Variants in TRAPPC9 observed in about 807,000 individuals in gnomAD.
TRAPPC9 encodes the protein IKK2 binding protein.
TRAPPC9 carries 83 observed loss-of-function variants against 124.0 expected under a neutral mutation model. That is an observed-to-expected ratio of 0.67 (90% CI 0.56 to 0.80). TRAPPC9 has a LOEUF of 0.80. TRAPPC9 is among the 30% of genes least tolerant of loss of function. The pLI is 0.00. For missense variants in TRAPPC9, 1,302 were observed against 1,508.3 expected (o/e 0.86, Z 2.27); for synonymous variants, 638 against 617.5 (o/e 1.03, Z -0.49).
chr8:140,415,778 T>C (rs1588312168), intron 5 of TRAPPC9, among the ~76,000 whole-genome samples: 1 of 151,904 alleles, frequency 6.6e-6, no homozygotes, highest in African/African-American at 2.4e-5. Context: ...AGACCGGGCT[T>C]GGTAACATAG....
intron 17 of TRAPPC9, among the ~76,000 whole-genome samples, chr8:140,112,443 G>C (rs1277088409): frequency 6.6e-6 from 1 of 152,054 alleles, no homozygotes. Flanking sequence ...GGTGCGAGGA[G>C]AGTAATGGAG....
chr8:140,057,036 A>G lies in TRAPPC9; in HGVS notation c.2557-32957T>C, dbSNP rs532671149. On this transcript the variant is annotated intron_variant, in intron 17 of 22. Coordinates refer to ENST00000438773, the MANE Select transcript of TRAPPC9 (RefSeq NM_001160372.4). ...AATTAAAAATGGGCAAAAGATTTAA[A>G]TAGAAACATTTCTCCAAAGAAGACA... 2.3e-4 allele frequency among the ~76,000 whole-genome samples: 35 copies of G among 152,356 alleles called. No homozygotes were observed. In the South Asian group the frequency reaches 7.2e-3, roughly 32 times the overall value.
At chr8:139,861,930 T>C (rs1587012364) in intron 21 of TRAPPC9, among the ~76,000 whole-genome samples, 1 of 151,512 alleles carries the variant, frequency 6.6e-6, no homozygotes, top group Non-Finnish European at 1.5e-5. Context: ...AGGGGAAAGA[T>C]GAAACTTTGT....
intron 17 of TRAPPC9, among the ~76,000 whole-genome samples, chr8:140,121,778 A>C (rs1216222784): frequency 6.6e-6 from 1 of 152,158 alleles, no homozygotes; most frequent in Non-Finnish European, 1.5e-5. Flanking sequence ...TGCTCCTTCC[A>C]GTAGGGGTGA....
chr8:140,455,952 T>G (rs900387188), intron 1 of TRAPPC9, among the ~76,000 whole-genome samples: 1 of 152,176 alleles, frequency 6.6e-6, no homozygotes, highest in African/African-American at 2.4e-5. Flanking sequence ...TAATAGGAAA[T>G]GCCCTGAATA....
At chr8:140,327,781 A>C (rs2066778250) in intron 9 of TRAPPC9, among the ~76,000 whole-genome samples, 1 of 152,214 alleles carries the variant, frequency 6.6e-6, no homozygotes, top group Non-Finnish European at 1.5e-5. Context: ...ATTATTGTGT[A>C]ATGCGTACAG....
intron 18 of TRAPPC9, among the ~76,000 whole-genome samples, chr8:140,004,895 T>G (rs1838648627): frequency 6.6e-6 from 1 of 152,342 alleles, no homozygotes; most frequent in East Asian, 1.9e-4. Context: ...CAGGTAGTGA[T>G]GGCCACCCAC....
chr8:140,089,360 C>T (rs1383571312), intron 17 of TRAPPC9, among the ~76,000 whole-genome samples: 1 of 152,136 alleles, frequency 6.6e-6, no homozygotes, highest in East Asian at 1.9e-4. Flanking sequence ...AAGACTTGCT[C>T]GGGTTTTAGA....
At chr8:140,095,345 T>C (rs1367233684) in intron 17 of TRAPPC9, 1 of 152,248 alleles carries the variant, frequency 6.6e-6, no homozygotes, top group African/African-American at 2.4e-5. Flanking sequence ...AAATCAACCA[T>C]CACCGGAGCA....
intron 4 of TRAPPC9, among the ~76,000 whole-genome samples, chr8:140,428,969 T>C (rs1219345626): frequency 6.6e-6 from 1 of 152,130 alleles, no homozygotes; most frequent in African/African-American, 2.4e-5. Context: ...GACTGATGTA[T>C]AGATGTATAC....
chr8:140,084,127 T>C (rs1308645629), intron 17 of TRAPPC9, among the ~76,000 whole-genome samples: 2 of 152,152 alleles, frequency 1.3e-5, no homozygotes, highest in African/African-American at 4.8e-5. Context: ...ATGGTAGCTA[T>C]TATTATTATA....
intron 17 of TRAPPC9, among the ~76,000 whole-genome samples, chr8:140,132,278 A>G (rs1157192724): frequency 6.6e-6 from 1 of 152,182 alleles, no homozygotes; most frequent in Non-Finnish European, 1.5e-5. Context: ...CCTTTGTAAG[A>G]AGTGTTTATA....
At chr8:139,938,599 T>C (rs1049529067) in intron 19 of TRAPPC9, among the ~76,000 whole-genome samples, 2 of 150,016 alleles carry the variant, frequency 1.3e-5, no homozygotes, top group Non-Finnish European at 3.0e-5. Context: ...ACAGTCTATG[T>C]TAAATGTGCA....
At position 140,425,603 on chromosome 8, in the gene TRAPPC9, C is replaced by T. The variant is rs534136337; in HGVS notation, c.886+1012G>A. Among the ~76,000 whole-genome samples, 14 of 152,100 alleles carry T rather than the reference C, an allele frequency of 9.2e-5. No homozygotes were observed. In the East Asian group the frequency reaches 2.5e-3, roughly 27 times the overall value. ...GTGTACACATCTAATTCTCCTACAA[C>T]TAATGTGATTGACACACTGCAATTC... On this transcript the variant is annotated intron_variant, in intron 5 of 22. Coordinates refer to ENST00000438773, the MANE Select transcript of TRAPPC9 (RefSeq NM_001160372.4).
At chr8:140,289,428 T>C (rs951050027) in intron 12 of TRAPPC9, among the ~76,000 whole-genome samples, 2 of 152,188 alleles carry the variant, frequency 1.3e-5, no homozygotes, top group African/African-American at 4.8e-5. Context: ...ATTTATTTCT[T>C]TTGAAAATAG....
At chr8:139,955,080 T>C (rs1316542217) in intron 19 of TRAPPC9, among the ~76,000 whole-genome samples, 1 of 152,250 alleles carries the variant, frequency 6.6e-6, no homozygotes, top group Non-Finnish European at 1.5e-5. Flanking sequence ...TTAATGTTTT[T>C]ATTATAGTAC....
chr8:139,760,396 C>G (rs1430168575), intron 21 of TRAPPC9, among the ~76,000 whole-genome samples: 1 of 152,080 alleles, frequency 6.6e-6, no homozygotes, highest in Non-Finnish European at 1.5e-5. Flanking sequence ...CCCAGGGTGG[C>G]CTGTCTCAGG....
intron 17 of TRAPPC9, chr8:140,098,018 G>A (rs2060487066): frequency 6.6e-6 from 1 of 152,456 alleles, no homozygotes; most frequent in South Asian, 2.1e-4. Flanking sequence ...GCCAACCGCA[G>A]GGTAGTGTCA....
rs1411189783 is a variant in TRAPPC9 at position 140,087,740 on chromosome 8, A to G, written c.2557-63661T>C. Among the ~76,000 whole-genome samples the G allele has an allele frequency of 1.3e-5, 2 of 151,966 alleles. No individual in the cohort carries two copies. Among genetic ancestry groups the G allele is most frequent in the African/African-American group, 2.4e-5 (1 of 41,362 alleles). ...TCGTCTCCCCTGCCTCTACTCGTCCACGTTTCCCTCTCCACCCTGCAATCC... is the reference window on the plus strand; with the variant it reads ...TCGTCTCCCCTGCCTCTACTCGTCCGCGTTTCCCTCTCCACCCTGCAATCC... On this transcript the variant is annotated intron_variant, in intron 17 of 22. Transcript: ENST00000438773. The surrounding 1 kb of genome is among the most constrained non-coding windows in gnomAD (Gnocchi z 4.6).
Sources: allele counts gnomAD v4.1 joint callset (sites outside exome capture counted in the v4.1 genomes callset), GRCh38; gene constraint gnomAD v4.1.1; non-coding constraint Gnocchi (gnomAD v3.1); transcripts MANE v1.5; gene names NCBI Gene and HGNC (gene_info 2026-07-23, HGNC 2026-07-21).